PDE9A: variants seen among roughly 807,000 people sequenced by gnomAD.
The protein encoded by PDE9A is high affinity cGMP-specific 3',5'-cyclic phosphodiesterase 9A.
In PDE9A, 60 loss-of-function variants were observed where a neutral mutation model predicts 87.4. The observed-to-expected ratio is 0.69, with a 90% CI of 0.56 to 0.85. PDE9A has a LOEUF of 0.85. Ranked by LOEUF, PDE9A falls within the 40% of genes least tolerant of loss-of-function variation. PDE9A has a pLI of 0.00. For synonymous variants in PDE9A, 272 were observed against 279.4 expected (o/e 0.97, Z 0.27); for missense variants, 665 against 779.0 (o/e 0.85, Z 1.74).
rs886382231 is a variant in PDE9A at position 42,759,811 on chromosome 21, A to ATG, written c.898-506_898-505dup. On this transcript the variant is annotated intron_variant, in intron 11 of 19. Transcript: ENST00000291539. The surrounding 1 kb of genome is among the most constrained non-coding windows in gnomAD (Gnocchi z 7.2). ...GGGGTGTGTGAGGGTGGATGTGTGCATGTGTGTGTGTGGATGTGGGGTGTG... is the reference window on the plus strand; with the variant it reads ...GGGGTGTGTGAGGGTGGATGTGTGCATGTGTGTGTGTGTGGATGTGGGGTGTG... Among the ~76,000 whole-genome samples the ATG allele has an allele frequency of 4.8e-5, 6 of 124,688 alleles. No individual in the cohort carries two copies. The highest frequency in any genetic ancestry group is 2.7e-4 in the South Asian group (1 of 3,654). The allele number at this position is 124,688 out of a possible 152,430, so 81.8% of individuals were successfully genotyped here. A position where few individuals can be genotyped will look rare whatever the true frequency, so the allele number is the denominator to read the frequency against.
intron 1 of PDE9A, among the ~76,000 whole-genome samples, chr21:42,664,112 C>T (rs1449483543): frequency 1.3e-5 from 2 of 152,226 alleles, no homozygotes; most frequent in Admixed American, 6.5e-5. Flanking sequence ...ACCTGCCCCT[C>T]GGAGTGCCAG....
Position 42,760,979 on chromosome 21 carries a change from A to C in PDE9A, c.1085+72A>C. On this transcript the variant is annotated intron_variant, in intron 13 of 19. Transcript: ENST00000291539. This position sits in a 1 kb window ranked among gnomAD's most constrained non-coding sequence, Gnocchi z 5.2. ...CTACTGGAGGGAACCTGTCAGCCCA[A>C]CCCTCAGAGCAGTTCCCAGATGGAG... is the stretch of plus-strand genomic sequence containing the variant. The C allele has an allele frequency of 2.0e-6, 2 of 977,502 alleles. No homozygotes were observed. The highest frequency in any genetic ancestry group is 3.3e-6 in the Non-Finnish European group (2 of 605,228). The allele number at this position is 977,502 out of a possible 1,614,324, so 60.6% of individuals were successfully genotyped here.
chr21:42,765,527 AGGCGGTG>A lies in PDE9A; in HGVS notation c.1356+37_1356+43del, dbSNP rs747583332. On this transcript the variant is annotated intron_variant, in intron 15 of 19. Coordinates refer to ENST00000291539, the MANE Select transcript of PDE9A (RefSeq NM_002606.3). ...GCTTATTCTGCCTGGGTGGGCAGCCAGGCGGTGGGCTGGCGAAGCAGGTCATCCATCC... is the reference window on the plus strand; with the variant it reads ...GCTTATTCTGCCTGGGTGGGCAGCCAGGCTGGCGAAGCAGGTCATCCATCC... The A allele has an allele frequency of 9.6e-6, 12 of 1,252,278 alleles. No individual in the cohort carries two copies. The African/African-American group carries it at 1.8e-4, about 19-fold the overall frequency. 77.6% of individuals were successfully genotyped at this position (1,252,278 alleles called of 1,614,324 possible). A position where few individuals can be genotyped will look rare whatever the true frequency, so the allele number is the denominator to read the frequency against.
intron 8 of PDE9A, among the ~76,000 whole-genome samples, chr21:42,746,416 G>A (rs1371596717): frequency 6.6e-6 from 1 of 152,202 alleles, no homozygotes; most frequent in African/African-American, 2.4e-5. Flanking sequence ...CCCAGGGGAG[G>A]GACCTTCCCG....
intron 4 of PDE9A, among the ~76,000 whole-genome samples, chr21:42,724,197 A>G (rs1410822316): frequency 6.6e-6 from 1 of 152,132 alleles, no homozygotes; most frequent in Admixed American, 6.5e-5. Flanking sequence ...TGTCACCCCA[A>G]GGATGATGAC....
rs1386671437 is a variant in PDE9A, at chr21:42,775,305, G to A, written c.*12G>A. The A allele has an allele frequency of 4.3e-6, 7 of 1,609,876 alleles. No individual in the cohort carries two copies. Among genetic ancestry groups the A allele is most frequent in the Non-Finnish European group, 5.9e-6 (7 of 1,178,240 alleles). On this transcript the variant is annotated 3_prime_UTR_variant, in exon 20 of 20. Transcript: ENST00000291539. ...GAGACTGTGCCTGAGGAAAGCGGGG[G>A]GCGTGGCTGCAGTTCTGGACGGGCT...
intron 4 of PDE9A, among the ~76,000 whole-genome samples, chr21:42,709,390 C>T (rs1466381798): frequency 6.6e-6 from 1 of 152,166 alleles, no homozygotes; most frequent in Non-Finnish European, 1.5e-5. Context: ...GTGCAGCAAA[C>T]CACCATGACA....
At chr21:42,732,270 C>G in intron 6 of PDE9A, 146 bp downstream of exon 6, 1 of 722,374 alleles carries the variant, frequency 1.4e-6, no homozygotes, top group Non-Finnish European at 2.3e-6. Flanking sequence ...ACGGTGGAAG[C>G]CTTCTGTGGC....
intron 1 of PDE9A, among the ~76,000 whole-genome samples, chr21:42,670,024 A>G (rs564075670): frequency 6.6e-6 from 1 of 151,984 alleles, no homozygotes; most frequent in South Asian, 2.1e-4. Context: ...ATAAAAGGAA[A>G]GCACCATGTT....
In PDE9A at chr21:42,739,944, C is replaced by T. The variant is rs1325853818; in HGVS notation, c.569-3832C>T. On this transcript the variant is annotated intron_variant, in intron 7 of 19. Transcript: ENST00000291539. This position sits in a 1 kb window ranked among gnomAD's most constrained non-coding sequence, Gnocchi z 4.1. ...GGGATAAAAAGAAAAACGTGAGCTG[C>T]GACAGCAGCCACTAACATGGGGAAG... Among the ~76,000 whole-genome samples, 1 of 151,910 alleles carries T rather than the reference C, an allele frequency of 6.6e-6. No individual in the cohort carries two copies. The highest frequency in any genetic ancestry group is 1.5e-5 in the Non-Finnish European group (1 of 67,992).
chr21:42,745,540 G>A (rs945203299), intron 8 of PDE9A, among the ~76,000 whole-genome samples: 33 of 152,230 alleles, frequency 2.2e-4, no homozygotes, highest in African/African-American at 8.0e-4. Flanking sequence ...ACACAGCTGG[G>A]GTCCCAAGGC....
At chr21:42,666,561 A>G (rs930062637) in intron 1 of PDE9A, among the ~76,000 whole-genome samples, 9 of 152,102 alleles carry the variant, frequency 5.9e-5, no homozygotes, top group Non-Finnish European at 1.2e-4. Flanking sequence ...GCAGACACCA[A>G]GGCCCTCGCG....
At chr21:42,740,017 A>G (rs1489046263) in intron 7 of PDE9A, among the ~76,000 whole-genome samples, 2 of 152,142 alleles carry the variant, frequency 1.3e-5, no homozygotes, top group African/African-American at 4.8e-5. Flanking sequence ...AAAACAACAA[A>G]TTTTATCTTT....
intron 1 of PDE9A, among the ~76,000 whole-genome samples, chr21:42,654,084 G>A (rs1569082977): frequency 8.9e-6 from 1 of 112,410 alleles, no homozygotes; most frequent in Admixed American, 8.9e-5. Flanking sequence ...GGTGGGGGGT[G>A]GGGGGGCGGG....
chr21:42,703,429 G>T (rs1297075034), intron 4 of PDE9A, among the ~76,000 whole-genome samples: 1 of 152,242 alleles, frequency 6.6e-6, no homozygotes, highest in Non-Finnish European at 1.5e-5. Flanking sequence ...GGAGCAGAGG[G>T]GAAGCCATAA....
chr21:42,706,501 C>T (rs1267471168), intron 4 of PDE9A, among the ~76,000 whole-genome samples: 4 of 151,968 alleles, frequency 2.6e-5, no homozygotes, highest in Non-Finnish European at 5.9e-5. Context: ...AAAAATTAGC[C>T]GGGTGTGGTG....
rs1395703624 is a variant in PDE9A at position 42,694,945 on chromosome 21, C to T, written c.219-4023C>T. Among the ~76,000 whole-genome samples, 1 of 152,198 alleles carries T rather than the reference C, an allele frequency of 6.6e-6. No homozygotes were observed. The highest frequency in any genetic ancestry group is 2.4e-5 in the African/African-American group (1 of 41,452). ...CCAGCGGGCACTCCCCTTCTGCAAA[C>T]CTCCAAGCACATTCCCCCTCTGCAC... On this transcript the variant is annotated intron_variant, in intron 3 of 19. Coordinates refer to ENST00000291539, the MANE Select transcript of PDE9A (RefSeq NM_002606.3). The surrounding 1 kb of genome is among the most constrained non-coding windows in gnomAD (Gnocchi z 5.3).
chr21:42,666,000 G>C (rs776035143), intron 1 of PDE9A, among the ~76,000 whole-genome samples: 1 of 152,204 alleles, frequency 6.6e-6, no homozygotes, highest in Non-Finnish European at 1.5e-5. Context: ...CACAGGAAAC[G>C]CTGCCTTCCT....
At chr21:42,742,633 A>AT (rs1301966344) in intron 7 of PDE9A, among the ~76,000 whole-genome samples, 1 of 151,610 alleles carries the variant, frequency 6.6e-6, no homozygotes, top group Non-Finnish European at 1.5e-5. Flanking sequence ...TGCCCGGCTA[A>AT]TTTTTGTATT....
Sources: allele counts gnomAD v4.1 joint callset (sites outside exome capture counted in the v4.1 genomes callset), GRCh38; gene constraint gnomAD v4.1.1; non-coding constraint Gnocchi (gnomAD v3.1); transcripts MANE v1.5; gene names NCBI Gene and HGNC (gene_info 2026-07-23, HGNC 2026-07-21).